The following AKT1 variants were observed in gnomAD, a reference collection of about 807,000 sequenced individuals.
The protein encoded by AKT1 is AKT serine/threonine kinase 1, also known as RAC-alpha serine/threonine-protein kinase.
In AKT1, 21 loss-of-function variants were observed where a neutral mutation model predicts 63.1. That is an observed-to-expected ratio of 0.33 (90% CI 0.24 to 0.48). AKT1 has a LOEUF of 0.48. AKT1 is among the 20% of genes least tolerant of loss of function. AKT1 has a pLI of 0.99. For missense variants in AKT1, 382 were observed against 666.0 expected, an observed-to-expected ratio of 0.57 and a Z score of 4.69; for synonymous variants, 257 against 253.1, an observed-to-expected ratio of 1.02 and a Z score of -0.15.
rs527808900 is a variant in AKT1, at chr14:104,776,613, G to A, written c.287+46C>T. Reference sequence around the variant, plus strand: ...CGCCATCCCCGTGTCCCTCCTAAGCGCTGGGGCTGCCCAAGTGCCTGGCCT... The same window carrying A: ...CGCCATCCCCGTGTCCCTCCTAAGCACTGGGGCTGCCCAAGTGCCTGGCCT... On this transcript the variant is annotated intron_variant, in intron 5 of 14. Transcript: ENST00000649815. 48 of 1,559,526 alleles carry A rather than the reference G, an allele frequency of 3.1e-5. No homozygotes were observed. The South Asian group carries it at 4.1e-4, about 13-fold the overall frequency.
intron 13 of AKT1, chr14:104,771,372 G>C (rs986943316): frequency 4.3e-6 from 1 of 232,464 alleles, no homozygotes; most frequent in Non-Finnish European, 8.5e-6. Flanking sequence ...ATGTGCACAC[G>C]TGAGGAGCTG....
chr14:104,786,750 C>T (rs1893353148), intron 3 of AKT1, among the ~76,000 whole-genome samples: 1 of 152,176 alleles, frequency 6.6e-6, no homozygotes, highest in Non-Finnish European at 1.5e-5. Flanking sequence ...ATCCCCCGGC[C>T]TGCTGGGACA....
chr14:104,783,156 G>A (rs1451777693), intron 3 of AKT1, among the ~76,000 whole-genome samples: 1 of 152,114 alleles, frequency 6.6e-6, no homozygotes, highest in Non-Finnish European at 1.5e-5. Flanking sequence ...AGACACATCA[G>A]CCAGGGCTGC....
At position 104,773,905 on chromosome 14, in the gene AKT1, C is replaced by T. The variant is rs559466432; in HGVS notation, c.702+7G>A. On this transcript the variant is annotated splice_region_variant and intron_variant, in intron 9 of 14. Transcript: ENST00000649815. ...CGAAGTCCATCCCCCGCAGCCCCAG[C>T]CCCTACCTCGCCCCCGTTGGCGTAC... 7 of 1,604,070 alleles carry T rather than the reference C, an allele frequency of 4.4e-6. No homozygotes were observed. The South Asian group carries it at 4.5e-5, about 10-fold the overall frequency.
rs555853075 is a variant in AKT1, at chr14:104,788,133, A to G, written c.46+4465T>C. Reference sequence around the variant, plus strand: ...CCACGGGGGCCGTTCCAGACCCTCAACGCTCCCCCAGGGGAGGCAGAGCTT... The same window carrying G: ...CCACGGGGGCCGTTCCAGACCCTCAGCGCTCCCCCAGGGGAGGCAGAGCTT... On this transcript the variant is annotated intron_variant, in intron 3 of 14. Coordinates refer to ENST00000649815, the MANE Select transcript of AKT1 (RefSeq NM_001382430.1). Among the ~76,000 whole-genome samples the G allele has an allele frequency of 1.7e-4, 26 of 152,156 alleles. No homozygotes were observed. In the East Asian group the frequency reaches 4.3e-3, roughly 25 times the overall value.
intron 9 of AKT1, 33 bp from the exon 10 acceptor site, chr14:104,773,613 G>A (rs2140907760): frequency 1.3e-6 from 2 of 1,584,524 alleles, no homozygotes; most frequent in South Asian, 1.1e-5. Flanking sequence ...CACAGCCGTG[G>A]CTCGGGCCTC....
At chr14:104,776,288 A>G (rs61761186) in intron 5 of AKT1, 2,431 of 211,970 alleles carry the variant, frequency 0.011, 67 homozygotes, top group African/African-American at 0.054. Context: ...CCGGGATTAC[A>G]GGTGTGCACC....
intron 3 of AKT1, among the ~76,000 whole-genome samples, chr14:104,781,730 C>G (rs1215053554): frequency 6.6e-6 from 1 of 152,078 alleles, no homozygotes; most frequent in Admixed American, 6.5e-5. Context: ...GTGGGGACAC[C>G]CCACCCAGCA....
At position 104,776,764 on chromosome 14, in the gene AKT1, TG is replaced by T; in HGVS notation, c.181del (p.Gln61SerfsTer2). Reference protein sequence around the residue: ...PLNNFSVAQCQLMKTERPRPN... With the variant: ...PLNNFSVAQCXLMKTERPRPN... The stretch of plus-strand genomic sequence containing the variant: ...CCGGGGCCGCTCCGTCTTCATCAGC[TG>T]GCACTCTGCGGGCAGGCAGAGCCTC... On this transcript the variant is annotated frameshift_variant, in exon 5 of 15. Coordinates refer to ENST00000649815, the MANE Select transcript of AKT1 (RefSeq NM_001382430.1). LOFTEE classifies it high-confidence loss of function. 6.2e-7 allele frequency: 1 copy of T among 1,612,802 alleles called. No homozygotes were observed. Among genetic ancestry groups the T allele is most frequent in the Non-Finnish European group, 8.5e-7 (1 of 1,179,732 alleles).
chr14:104,791,522 C>T lies in AKT1; in HGVS notation c.46+1076G>A, dbSNP rs140685363. 7.6e-4 allele frequency among the ~76,000 whole-genome samples: 116 copies of T among 152,310 alleles called. 1 individual carries two copies. Among genetic ancestry groups the T allele is most frequent in the African/African-American group, 2.7e-3 (113 of 41,558 alleles). On this transcript the variant is annotated intron_variant, in intron 3 of 14. Transcript: ENST00000649815. ...CAAACACTCCAAACACACAGCCAGC[C>T]ACACCCCTGATTCCCCCAGCATCTC...
Position 104,769,586 on chromosome 14 carries a change from TC to T in AKT1, c.*754del, listed in dbSNP as rs1238307282. ...AAGGTCAAGTGCTACCGTGGAGAGATCATCTGAGGGGGAGGCTCCCGGTGGG... is the reference window on the plus strand; with the variant it reads ...AAGGTCAAGTGCTACCGTGGAGAGATATCTGAGGGGGAGGCTCCCGGTGGG... On this transcript the variant is annotated 3_prime_UTR_variant, in exon 15 of 15. Transcript: ENST00000649815. 11 of 530,810 alleles carry T rather than the reference TC, an allele frequency of 2.1e-5. No homozygotes were observed. In the East Asian group the frequency reaches 4.4e-4, roughly 21 times the overall value. The allele number at this position is 530,810 out of a possible 1,614,324, so 32.9% of individuals were successfully genotyped here.
In AKT1 at chr14:104,772,267, C is replaced by T. The variant is rs2498800; in HGVS notation, c.1260+98G>A. 0.33 allele frequency: 424,851 copies of T among 1,280,700 alleles called. 73,489 individuals are homozygous for T. Among genetic ancestry groups the T allele is most frequent in the East Asian group, 0.58 (24,982 of 43,224 alleles). The allele number at this position is 1,280,700 out of a possible 1,614,324, so 79.3% of individuals were successfully genotyped here. A position where few individuals can be genotyped will look rare whatever the true frequency, so the allele number is the denominator to read the frequency against. ...CTGCAGCAGGCTCCTGAGGTGAGGG[C>T]GAGTGTGTGGGAAATCTGGCGAGCG... On this transcript the variant is annotated intron_variant, in intron 13 of 14. Transcript: ENST00000649815.
chr14:104,775,459 C>T, intron 6 of AKT1, 193 bp downstream of exon 6: 1 of 1,062,098 alleles, frequency 9.4e-7, no homozygotes, highest in Non-Finnish European at 1.3e-6. Context: ...GGCTCAGCAA[C>T]CCCAGTTTTC....
rs1374981562 is a variant in AKT1 at position 104,795,266 on chromosome 14, C to G, written c.-258+218G>C. The stretch of plus-strand genomic sequence containing the variant: ...TCATGAGGGAGGCTGGGGCCGGCAG[C>G]CTGCACCCCCGGCGCCCGGCGTGGG... On this transcript the variant is annotated intron_variant, in intron 1 of 14. Transcript: ENST00000649815. This position sits in a 1 kb window ranked among gnomAD's most constrained non-coding sequence, Gnocchi z 5.1. Among the ~76,000 whole-genome samples, 1 of 151,162 alleles carries G rather than the reference C, an allele frequency of 6.6e-6. No homozygotes were observed. The highest frequency in any genetic ancestry group is 1.5e-5 in the Non-Finnish European group (1 of 67,688).
chr14:104,779,817 T>C (rs1343630143), intron 4 of AKT1, among the ~76,000 whole-genome samples: 1 of 128,634 alleles, frequency 7.8e-6, no homozygotes, highest in African/African-American at 3.1e-5. Flanking sequence ...CCTCGGGACT[T>C]GGACCAGAGA....
chr14:104,787,749 T>C (rs1893409673), intron 3 of AKT1, among the ~76,000 whole-genome samples: 1 of 152,200 alleles, frequency 6.6e-6, no homozygotes, highest in Non-Finnish European at 1.5e-5. Context: ...CCACAGGGCA[T>C]CCCTGCCCAG....
rs1566826979 is a variant in AKT1 at position 104,792,710 on chromosome 14, C to T, written c.-67G>A. 1.9e-6 allele frequency: 3 copies of T among 1,574,622 alleles called. No individual in the cohort carries two copies. The highest frequency in any genetic ancestry group is 2.6e-6 in the Non-Finnish European group (3 of 1,155,688). On this transcript the variant is annotated 5_prime_UTR_variant, in exon 3 of 15. Transcript: ENST00000649815. ...CTGGCGCTCCCCGAGCCCAGCTGGC[C>T]TGGCCACAGCCTCTGGGAGAAGCAA...
rs976770620 is a variant in AKT1, at chr14:104,770,039, C to T, written c.*302G>A. On this transcript the variant is annotated 3_prime_UTR_variant, in exon 15 of 15. Transcript: ENST00000649815. The stretch of plus-strand genomic sequence containing the variant: ...TGCCCGGCCCCCCAATGCCACATTG[C>T]GCATAGCTGCAGAAGTCCTTAACAT... The T allele has an allele frequency of 1.8e-5, 9 of 499,492 alleles. No individual in the cohort carries two copies. Among genetic ancestry groups the T allele is most frequent in the African/African-American group, 1.3e-4 (7 of 52,014 alleles). The allele number at this position is 499,492 out of a possible 1,614,324, so 30.9% of individuals were successfully genotyped here.
intron 12 of AKT1, 93 bp downstream of exon 12, chr14:104,772,772 ATCAGTGTAGTCTG>A (rs1892463519): frequency 8.2e-7 from 1 of 1,219,374 alleles, no homozygotes; most frequent in Admixed American, 2.3e-5. Flanking sequence ...AGCTTTGGCT[ATCAGTGTAGTCTG>A]GGAGGTGCCA....
Sources: allele counts gnomAD v4.1 joint callset (sites outside exome capture counted in the v4.1 genomes callset), GRCh38; gene constraint gnomAD v4.1.1; non-coding constraint Gnocchi (gnomAD v3.1); transcripts MANE v1.5; gene names NCBI Gene and HGNC (gene_info 2026-07-23, HGNC 2026-07-21).